EPS15L1: variants seen among roughly 807,000 people sequenced by gnomAD.
EPS15L1 encodes the protein epidermal growth factor receptor substrate 15-like 1.
In EPS15L1, 43 loss-of-function variants were observed where a neutral mutation model predicts 117.1. That is an observed-to-expected ratio of 0.37 (90% CI 0.29 to 0.47). The LOEUF (loss-of-function observed/expected upper bound fraction) is 0.47. Ranked by LOEUF, EPS15L1 falls within the 20% of genes least tolerant of loss-of-function variation. The pLI is 0.99. For missense variants in EPS15L1, 981 were observed against 1,164.0 expected, an observed-to-expected ratio of 0.84 and a Z score of 2.29; for synonymous variants, 459 against 470.5, an observed-to-expected ratio of 0.98 and a Z score of 0.32.
intron 1 of EPS15L1, among the ~76,000 whole-genome samples, chr19:16,448,554 G>A (rs958332403): frequency 7.0e-6 from 1 of 143,876 alleles, no homozygotes. Flanking sequence ...AAAAGGGGGG[G>A]GGAGAAAGGC....
rs192261331 is a variant in EPS15L1, at chr19:16,407,291, T to C, written c.1267-2542A>G. 1.9e-3 allele frequency among the ~76,000 whole-genome samples: 287 copies of C among 152,172 alleles called. 1 individual carries two copies. The highest frequency in any genetic ancestry group is 6.6e-3 in the African/African-American group (274 of 41,520). On this transcript the variant is annotated intron_variant, in intron 13 of 23. Transcript: ENST00000455140. ...CACTCTTGGCTCTCCCTTCCCTTTC[T>C]TCTCCCCACTCCCCAGCATTTTTTT...
chr19:16,438,349 G>A (rs1003411349), intron 4 of EPS15L1, among the ~76,000 whole-genome samples: 8 of 151,984 alleles, frequency 5.3e-5, no homozygotes, highest in South Asian at 4.2e-4. Context: ...GCAAAACTCC[G>A]TCTCAAAATA....
Position 16,361,859 on chromosome 19 carries a change from T to C in EPS15L1, c.2506A>G (p.Ser836Gly). 3 of 1,614,100 alleles carry C rather than the reference T, an allele frequency of 1.9e-6. No homozygotes were observed. Among genetic ancestry groups the C allele is most frequent in the Non-Finnish European group, 2.5e-6 (3 of 1,180,010 alleles). ...GAGGGGACAAATGGGTCTTTTCCAC[T>C]AAACGGGTCCCCAAACCCCTTTTTA... The part of the protein sequence containing the change: ...QSKKGFGDPF[S>G]GKDPFVPSSA... Residue 836 changes from serine (S) to glycine (G), a missense_variant, in exon 23 of 24, where the codon AGT (serine) becomes GGT (glycine). This residue lies in a region of EPS15L1 where 819 missense variants were observed against 949.0 expected (regional missense o/e 0.86). Coordinates refer to ENST00000455140, the MANE Select transcript of EPS15L1 (RefSeq NM_001258374.3).
chr19:16,461,091 G>T (rs1346130568), intron 1 of EPS15L1, among the ~76,000 whole-genome samples: 1 of 151,982 alleles, frequency 6.6e-6, no homozygotes, highest in Admixed American at 6.6e-5. Flanking sequence ...GGATCATGAG[G>T]TCAGGAGATC....
intron 1 of EPS15L1, among the ~76,000 whole-genome samples, chr19:16,464,863 C>T (rs1039187941): frequency 5.9e-5 from 9 of 152,254 alleles, no homozygotes; most frequent in South Asian, 4.2e-4. Context: ...GCGGGCAGAT[C>T]ACAAGGTCAG....
At chr19:16,445,354 T>C (rs2093073054) in intron 1 of EPS15L1, among the ~76,000 whole-genome samples, 1 of 152,172 alleles carries the variant, frequency 6.6e-6, no homozygotes, top group African/African-American at 2.4e-5. Context: ...GGCTCAACCA[T>C]TGCTCATCAC....
intron 6 of EPS15L1, 49 bp downstream of exon 6, chr19:16,436,888 A>T (rs1224180646): frequency 1.4e-6 from 2 of 1,418,790 alleles, no homozygotes; most frequent in African/African-American, 2.8e-5. Flanking sequence ...CTGCTGGAAC[A>T]ATTCTATCTG....
intron 1 of EPS15L1, among the ~76,000 whole-genome samples, chr19:16,451,102 C>G (rs2093137123): frequency 6.6e-6 from 1 of 152,040 alleles, no homozygotes; most frequent in South Asian, 2.1e-4. Context: ...AGGCACCCAC[C>G]ACCGTGCCCG....
rs1419874467 is a variant in EPS15L1, at chr19:16,460,951, G to A, written c.33+10962C>T. 2.0e-5 allele frequency among the ~76,000 whole-genome samples: 3 copies of A among 152,178 alleles called. 1 individual carries two copies. The highest frequency in any genetic ancestry group is 7.2e-5 in the African/African-American group (3 of 41,438). On this transcript the variant is annotated intron_variant, in intron 1 of 23. Coordinates refer to ENST00000455140, the MANE Select transcript of EPS15L1 (RefSeq NM_001258374.3). Reference sequence around the variant, plus strand: ...TTCCCCTTTGGAGAGTGTGAAATGAGATAGTTTTCTCTTCCACTGGAAAAT... The same window carrying A: ...TTCCCCTTTGGAGAGTGTGAAATGAAATAGTTTTCTCTTCCACTGGAAAAT...
chr19:16,427,321 T>C (rs552207937), intron 8 of EPS15L1, among the ~76,000 whole-genome samples: 1 of 152,292 alleles, frequency 6.6e-6, no homozygotes, highest in African/African-American at 2.4e-5. Flanking sequence ...ACAGGTTGCG[T>C]ATCCCTTATC....
At chr19:16,441,664 T>C in intron 3 of EPS15L1, 1 of 281,092 alleles carries the variant, frequency 3.6e-6, no homozygotes, top group Non-Finnish European at 6.6e-6. Context: ...CCACAAGCTA[T>C]CAAGACCCCA....
Position 16,441,950 on chromosome 19 carries a change from G to A in EPS15L1, c.107C>T (p.Ala36Val), listed in dbSNP as rs1410215045. Residue 36 changes from alanine to valine, a missense_variant, in exon 3 of 24, where the codon GCG (alanine) becomes GTG (valine). This residue lies in a region of EPS15L1 where 62 missense variants were observed against 104.2 expected (regional missense o/e 0.59). Transcript: ENST00000455140. ...VDPAYTGRVG[A>V]SEAALFLKKS... ...CTTTAGAAAAAGCGCAGCTTCACTCGCCCCCACCCTCCCTGTGTATGCCGG... is the reference window on the plus strand; with the variant it reads ...CTTTAGAAAAAGCGCAGCTTCACTCACCCCCACCCTCCCTGTGTATGCCGG... The A allele has an allele frequency of 4.3e-6, 7 of 1,613,830 alleles. No homozygotes were observed. Among genetic ancestry groups the A allele is most frequent in the Non-Finnish European group, 5.9e-6 (7 of 1,179,936 alleles).
chr19:16,385,169 T>A lies in EPS15L1; in HGVS notation c.2207A>T (p.Asn736Ile). 1 of 1,614,148 alleles carries A rather than the reference T, an allele frequency of 6.2e-7. No individual in the cohort carries two copies. The highest frequency in any genetic ancestry group is 1.3e-5 in the African/African-American group (1 of 75,040). ...GAAGTCGGCAAAGCCTTCAGCACTATTGAAGGACCCACTTCCGAAGGGATC... is the reference window on the plus strand; with the variant it reads ...GAAGTCGGCAAAGCCTTCAGCACTAATGAAGGACCCACTTCCGAAGGGATC... ...TLDPFGSGSF[N>I]SAEGFADFSQ... is the part of the protein sequence containing the mutation. Residue 736 changes from asparagine (N) to isoleucine (I), a missense_variant, in exon 21 of 24, where the codon AAT becomes ATT. By Grantham distance (149) the Asn-to-Ile change is moderately radical. This residue lies in a region of EPS15L1 where 819 missense variants were observed against 949.0 expected (regional missense o/e 0.86). Coordinates refer to ENST00000455140, the MANE Select transcript of EPS15L1 (RefSeq NM_001258374.3).
intron 22 of EPS15L1, among the ~76,000 whole-genome samples, chr19:16,368,377 GCTACAC>G (rs1599530310): frequency 2.0e-5 from 3 of 152,112 alleles, no homozygotes; most frequent in East Asian, 3.9e-4. Flanking sequence ...ACAGGAGATG[GCTACAC>G]AACTGTCATT....
chr19:16,401,423 A>C, intron 16 of EPS15L1: 1 of 985,554 alleles, frequency 1.0e-6, no homozygotes. Flanking sequence ...TGACGTACAG[A>C]GGCCCAGGAG....
chr19:16,445,894 G>C (rs2093078661), intron 1 of EPS15L1, among the ~76,000 whole-genome samples: 5 of 152,248 alleles, frequency 3.3e-5, no homozygotes, highest in Admixed American at 3.3e-4. Context: ...GTGTTCTCCT[G>C]ACCCAGCCCA....
chr19:16,453,302 G>T (rs930637834), intron 1 of EPS15L1, among the ~76,000 whole-genome samples: 1 of 152,038 alleles, frequency 6.6e-6, no homozygotes, highest in African/African-American at 2.4e-5. Context: ...ACGGGGTCTT[G>T]CTTTGTTGCC....
chr19:16,376,271 C>A (rs1310146881), intron 22 of EPS15L1, among the ~76,000 whole-genome samples: 1 of 152,216 alleles, frequency 6.6e-6, no homozygotes, highest in Non-Finnish European at 1.5e-5. Context: ...ATGGAACAGG[C>A]AATGACCGGG....
chr19:16,362,390 AG>A, intron 22 of EPS15L1, among the ~76,000 whole-genome samples: 1 of 151,124 alleles, frequency 6.6e-6, no homozygotes, highest in East Asian at 1.9e-4. Flanking sequence ...AAAAAAAAAA[AG>A]GCAGAGGGGA....
Sources: allele counts gnomAD v4.1 joint callset (sites outside exome capture counted in the v4.1 genomes callset), GRCh38; gene constraint gnomAD v4.1.1; regional missense constraint gnomAD v4.1.1; transcripts MANE v1.5; gene names NCBI Gene and HGNC (gene_info 2026-07-23, HGNC 2026-07-21).